Variants in KDM5D observed in about 807,000 individuals in gnomAD.
The protein encoded by KDM5D is lysine demethylase 5D, also known as lysine-specific demethylase 5D.
In KDM5D, 25 loss-of-function variants were observed where a neutral mutation model predicts 31.9. That is an observed-to-expected ratio of 0.78 (90% confidence interval 0.57 to 1.09). KDM5D has a LOEUF of 1.09. Among genes scored for constraint, KDM5D ranks in the 50% least tolerant of loss-of-function variants. The pLI is 0.00. For synonymous variants in KDM5D, 146 were observed against 122.3 expected, an observed-to-expected ratio of 1.19 and a Z score of -1.28; for missense variants, 366 against 341.6, an observed-to-expected ratio of 1.07 and a Z score of -0.56.
At chrY:19,723,065 T>G (rs945118279) in intron 11 of KDM5D, among the ~76,000 whole-genome samples, 16 of 33,226 alleles carry the variant, frequency 4.8e-4, no homozygotes, top group Admixed American at 4.1e-3. Context: ...AATTTTGAAC[T>G]ATAATATGAA....
intron 13 of KDM5D, among the ~76,000 whole-genome samples, chrY:19,717,887 T>A (rs776823943): frequency 5.3e-4 from 18 of 34,020 alleles, no homozygotes; most frequent in Non-Finnish European, 1.2e-3. Context: ...GGTTGGTAGA[T>A]GACCAACAGG....
chrY:19,741,877 A>G lies in KDM5D; in HGVS notation c.229-20T>C. The G allele has an allele frequency of 2.6e-6, 1 of 378,063 alleles. No individual in the cohort carries two copies. Among genetic ancestry groups the G allele is most frequent in the Non-Finnish European group, 3.7e-6 (1 of 269,162 alleles). The allele number at this position is 378,063 out of a possible 400,897, so 94.3% of individuals were successfully genotyped here. Reference sequence around the variant, plus strand: ...TTGGGCCTGGGAAAGAGAGGGCCTTATAAGATTGGCATACTCCTTAACCTG... The same window carrying G: ...TTGGGCCTGGGAAAGAGAGGGCCTTGTAAGATTGGCATACTCCTTAACCTG... On this transcript the variant is annotated intron_variant, in intron 3 of 26. Transcript: ENST00000317961.
intron 13 of KDM5D, 34 bp from the exon 14 acceptor site, chrY:19,716,749 G>T: frequency 5.1e-6 from 2 of 390,804 alleles, no homozygotes; most frequent in South Asian, 6.1e-5. Context: ...AGAGGTGTGG[G>T]TCAGAACTAA....
Position 19,741,736 on chromosome Y carries a change from T to G in KDM5D, c.350A>C (p.Lys117Thr). 2.5e-6 allele frequency: 1 copy of G among 393,164 alleles called. No homozygotes were observed. Among genetic ancestry groups the G allele is most frequent in the Non-Finnish European group, 3.6e-6 (1 of 279,033 alleles). Residue 117 changes from lysine to threonine, a missense_variant and splice_region_variant, in exon 4 of 27, where the codon AAG becomes ACG. By Grantham distance (78) the Lys-to-Thr change is moderately conservative (BLOSUM62 -1). Coordinates refer to ENST00000317961, the MANE Select transcript of KDM5D (RefSeq NM_004653.5). Reference sequence around the variant, plus strand: ...CTTTAGAAAGTAGACTACTCTTACCTTACTAAGGCTGTAGAGGTCCAAGAT... The same window carrying G: ...CTTTAGAAAGTAGACTACTCTTACCGTACTAAGGCTGTAGAGGTCCAAGAT... Reference protein sequence around the residue: ...RKILDLYSLSKIVIEEGGYEA... With the variant: ...RKILDLYSLSTIVIEEGGYEA...
chrY:19,744,680 G>C lies in KDM5D; in HGVS notation c.-29C>G. The C allele has an allele frequency of 6.6e-6, 1 of 152,655 alleles. No homozygotes were observed. The highest frequency in any genetic ancestry group is 1.2e-5 in the Non-Finnish European group (1 of 84,128). 38.1% of individuals were successfully genotyped at this position (152,655 alleles called of 400,897 possible). ...TCCCGTAGCTGCTTACCAATCGTCA[G>C]GGATCCTAGTTTTACAGCCACCATC... On this transcript the variant is annotated 5_prime_UTR_variant, in exon 1 of 27. Transcript: ENST00000317961.
In KDM5D at chrY:19,716,724, G is replaced by T; in HGVS notation, c.1717-9C>A. 2.5e-6 allele frequency: 1 copy of T among 397,132 alleles called. No individual in the cohort carries two copies. ...TGGTTTGTGCGGACAACCTAAAAAG[G>T]AGAAAAAAGCAGAAAGAGGTGTGGG... On this transcript the variant is annotated splice_polypyrimidine_tract_variant and intron_variant, in intron 13 of 26. Transcript: ENST00000317961.
At chrY:19,726,447 C>T in intron 11 of KDM5D, among the ~76,000 whole-genome samples, 2 of 33,175 alleles carry the variant, frequency 6.0e-5, no homozygotes, top group South Asian at 1.4e-3. Context: ...AACACAAGAA[C>T]AGAAGAACAA....
chrY:19,744,146 G>C, intron 2 of KDM5D, among the ~76,000 whole-genome samples: 1 of 33,667 alleles, frequency 3.0e-5, no homozygotes, highest in Non-Finnish European at 7.3e-5. Flanking sequence ...GCAGAACGTA[G>C]AAATATTTGA....
intron 7 of KDM5D, 25 bp downstream of exon 7, chrY:19,735,596 T>C: frequency 2.5e-6 from 1 of 397,337 alleles, no homozygotes; most frequent in Non-Finnish European, 3.5e-6. Context: ...CCCTCACACT[T>C]CCCCAATCTG....
rs771177727 is a variant in KDM5D at position 19,739,562 on chromosome Y, C to T, written c.623G>A (p.Ser208Asn). 2.5e-6 allele frequency: 1 copy of T among 396,054 alleles called. No individual in the cohort carries two copies. The highest frequency in any genetic ancestry group is 3.5e-6 in the Non-Finnish European group (1 of 281,715). Residue 208 changes from serine (S) to asparagine (N), a missense_variant, in exon 6 of 27, where the codon AGC becomes AAC. By Grantham distance (46) the Ser-to-Asn change is conservative. Transcript: ENST00000317961. ...TAGCCTTTTTGCCCGTCGACTGTAGCTGCTGAACTTTGAAGGCTGCACAGA... is the reference window on the plus strand; with the variant it reads ...TAGCCTTTTTGCCCGTCGACTGTAGTTGCTGAACTTTGAAGGCTGCACAGA... ...RQSVQPSKFS[S>N]YSRRAKRLQP... is the part of the protein sequence containing the mutation.
chrY:19,744,548 G>A lies in KDM5D; in HGVS notation c.-14C>T, dbSNP rs764287790. On this transcript the variant is annotated 5_prime_UTR_variant, in exon 2 of 27. Coordinates refer to ENST00000317961, the MANE Select transcript of KDM5D (RefSeq NM_004653.5). ...CCCCGGTTCCATGTCGGGCCTTAATGCTAAGCTGTAAAATAAGAATCACAT... is the reference window on the plus strand; with the variant it reads ...CCCCGGTTCCATGTCGGGCCTTAATACTAAGCTGTAAAATAAGAATCACAT... 5.2e-6 allele frequency: 2 copies of A among 381,806 alleles called. No homozygotes were observed. The highest frequency in any genetic ancestry group is 7.4e-6 in the Non-Finnish European group (2 of 270,269).
At position 19,743,243 on chromosome Y, in the gene KDM5D, G is replaced by A; in HGVS notation, c.151-4C>T. On this transcript the variant is annotated splice_polypyrimidine_tract_variant and splice_region_variant and intron_variant, in intron 2 of 26. Coordinates refer to ENST00000317961, the MANE Select transcript of KDM5D (RefSeq NM_004653.5). ...CTGCAAAAGGAGGCTGCCAATCCTAGAAGAAAGTGTAAGGACCTGGTAACT... is the reference window on the plus strand; with the variant it reads ...CTGCAAAAGGAGGCTGCCAATCCTAAAAGAAAGTGTAAGGACCTGGTAACT... 1 of 363,475 alleles carries A rather than the reference G, an allele frequency of 2.8e-6. No individual in the cohort carries two copies. Among genetic ancestry groups the A allele is most frequent in the Non-Finnish European group, 3.9e-6 (1 of 255,160 alleles). The allele number at this position is 363,475 out of a possible 400,897, so 90.7% of individuals were successfully genotyped here.
chrY:19,731,805 G>A lies in KDM5D; in HGVS notation c.1338C>T (p.Ser446=). The A allele has an allele frequency of 2.5e-6, 1 of 396,853 alleles. No individual in the cohort carries two copies. The highest frequency in any genetic ancestry group is 3.5e-6 in the Non-Finnish European group (1 of 281,876). ...CAGGAGATAAGTTTTGTTTGCTATT[G>A]CTGACAGGAAAGCCACTGCCAAATT... is the stretch of plus-strand genomic sequence containing the variant. ...SKEFGSGFPV[S]NSKQNLSPEE... Residue 446 remains serine (S), a synonymous_variant, in exon 11 of 27, where the codon AGC becomes AGT. Coordinates refer to ENST00000317961, the MANE Select transcript of KDM5D (RefSeq NM_004653.5).
chrY:19,731,466 TA>T (rs2045471168), intron 11 of KDM5D, among the ~76,000 whole-genome samples: 2 of 33,639 alleles, frequency 5.9e-5, no homozygotes, highest in African/African-American at 2.3e-4. Flanking sequence ...TTGCTTTTCA[TA>T]AAAAGATGGT....
Position 19,723,140 on chromosome Y carries a change from C to G in KDM5D, c.1372-1829G>C, listed in dbSNP as rs72613049. ...CAACAAAAAGACCAATGGAACAGAACAGAAAACTCAGAAATAAAGCCAGAC... is the reference window on the plus strand; with the variant it reads ...CAACAAAAAGACCAATGGAACAGAAGAGAAAACTCAGAAATAAAGCCAGAC... On this transcript the variant is annotated intron_variant, in intron 11 of 26. Coordinates refer to ENST00000317961, the MANE Select transcript of KDM5D (RefSeq NM_004653.5). Among the ~76,000 whole-genome samples, 168 of 33,338 alleles carry G rather than the reference C, an allele frequency of 5.0e-3. No individual in the cohort carries two copies. In the East Asian group the frequency reaches 0.12, roughly 24 times the overall value. The allele number at this position is 33,338 out of a possible 37,273, so 89.4% of individuals were successfully genotyped here. A position where few individuals can be genotyped will look rare whatever the true frequency, so the allele number is the denominator to read the frequency against.
At chrY:19,724,505 AAATTC>A (rs2045415566) in intron 11 of KDM5D, among the ~76,000 whole-genome samples, 1 of 33,362 alleles carries the variant, frequency 3.0e-5, no homozygotes, top group African/African-American at 1.2e-4. Context: ...GCCTTCAACA[AAATTC>A]AATAGTCCTT....
At chrY:19,743,321 C>A in intron 2 of KDM5D, 82 bp from the exon 3 acceptor site, 4 of 151,151 alleles carry the variant, frequency 2.6e-5, no homozygotes, top group Non-Finnish European at 2.3e-5. Context: ...TGTTCCCACT[C>A]TTTTAAAGTC....
chrY:19,721,384 T>C (rs2045394290), intron 11 of KDM5D, 73 bp from the exon 12 acceptor site: 1 of 221,836 alleles, frequency 4.5e-6, no homozygotes, highest in African/African-American at 8.1e-5. Context: ...GAGCAAAACA[T>C]ACATAAGAAG....
chrY:19,742,851 T>C (rs2045562635), intron 3 of KDM5D, among the ~76,000 whole-genome samples: 1 of 33,413 alleles, frequency 3.0e-5, no homozygotes. Flanking sequence ...TCATTAAATA[T>C]GTGAGTACGA....
Sources: gnomAD v4.1 joint callset for allele counts (sites outside exome capture counted in the v4.1 genomes callset) on GRCh38, gnomAD v4.1.1 for gene constraint, MANE v1.5 for transcripts, NCBI Gene and HGNC (gene_info 2026-07-23, HGNC 2026-07-21) for gene names.